Variants in BTBD9 observed in about 807,000 individuals in gnomAD.
BTBD9 encodes BTB domain containing 9, also known as BTB/POZ domain-containing protein 9.
A neutral mutation model predicts 64.3 loss-of-function variants in BTBD9; 49 were observed. That is an observed-to-expected ratio of 0.76 (90% CI 0.61 to 0.97). The LOEUF (loss-of-function observed/expected upper bound fraction) is 0.97, where lower values mean the gene tolerates loss of function less well. Among genes scored for constraint, BTBD9 ranks in the 50% least tolerant of loss-of-function variants. The pLI is 0.00. For missense variants in BTBD9, 598 were observed against 762.1 expected (o/e 0.78, Z 2.53); for synonymous variants, 260 against 274.7 (o/e 0.95, Z 0.53).
rs995751330 is a variant in BTBD9 at position 38,584,511 on chromosome 6, G to A, written c.815-4074C>T. Among the ~76,000 whole-genome samples, 6 of 152,194 alleles carry A rather than the reference G, an allele frequency of 3.9e-5. No homozygotes were observed. The East Asian group carries it at 1.2e-3, about 29-fold the overall frequency. On this transcript the variant is annotated intron_variant, in intron 4 of 10. Transcript: ENST00000481247. ...CCCTAGCTACACAGTGCCAAAATCT[G>A]AGAGGAGTGCTGGGTTAATTACCTT... is the stretch of plus-strand genomic sequence containing the variant.
chr6:38,411,213 T>C (rs1382970180), intron 6 of BTBD9, among the ~76,000 whole-genome samples: 3 of 152,154 alleles, frequency 2.0e-5, no homozygotes, highest in African/African-American at 4.8e-5. Context: ...CAAAATTAGA[T>C]AAGTTGATTA....
chr6:38,374,313 A>ATACG (rs1765586857), intron 6 of BTBD9, among the ~76,000 whole-genome samples: 2 of 117,436 alleles, frequency 1.7e-5, no homozygotes, highest in Non-Finnish European at 3.4e-5. Flanking sequence ...ATATGTATAT[A>ATACG]TATATATATA....
chr6:38,551,351 G>C (rs1286514385), intron 6 of BTBD9, among the ~76,000 whole-genome samples: 1 of 152,178 alleles, frequency 6.6e-6, no homozygotes, highest in African/African-American at 2.4e-5. Flanking sequence ...CAATGAACTA[G>C]CACAGTGTAC....
intron 1 of BTBD9, among the ~76,000 whole-genome samples, chr6:38,619,675 G>A (rs969439797): frequency 2.0e-5 from 3 of 152,152 alleles, no homozygotes; most frequent in African/African-American, 7.2e-5. Context: ...TAATCATTGA[G>A]GGCCAGGAAA....
chr6:38,444,840 C>T (rs576036735), intron 6 of BTBD9, among the ~76,000 whole-genome samples: 5 of 152,220 alleles, frequency 3.3e-5, no homozygotes, highest in South Asian at 4.2e-4. Flanking sequence ...AGCTACTTGC[C>T]CCCATGGTAA....
intron 6 of BTBD9, among the ~76,000 whole-genome samples, chr6:38,483,230 C>T (rs1287520104): frequency 6.6e-6 from 1 of 152,080 alleles, no homozygotes; most frequent in African/African-American, 2.4e-5. Context: ...TCTCCCTTGA[C>T]TCCACTGAAA....
At chr6:38,341,384 G>A (rs911003222) in intron 7 of BTBD9, among the ~76,000 whole-genome samples, 2 of 151,656 alleles carry the variant, frequency 1.3e-5, no homozygotes, top group African/African-American at 2.4e-5. Flanking sequence ...TAAAATGTCC[G>A]AGATTAATTT....
At position 38,336,256 on chromosome 6, in the gene BTBD9, T is replaced by C. The variant is rs142581258; in HGVS notation, c.1264+8728A>G. Among the ~76,000 whole-genome samples the C allele has an allele frequency of 1.9e-3, 294 of 152,244 alleles. 1 individual carries two copies. The highest frequency in any genetic ancestry group is 6.5e-3 in the African/African-American group (272 of 41,552). On this transcript the variant is annotated intron_variant, in intron 7 of 10. Coordinates refer to ENST00000481247, the MANE Select transcript of BTBD9 (RefSeq NM_001099272.2). ...TTTTGCACACACTGACCATTTTGTG[T>C]GAATCTCTCCTGAGCTTCCCCACTC...
At chr6:38,592,544 C>T (rs769549003) in intron 4 of BTBD9, 32 bp downstream of exon 4, 14 of 1,606,800 alleles carry the variant, frequency 8.7e-6, no homozygotes, top group Non-Finnish European at 1.2e-5. Flanking sequence ...TACCAAGCTT[C>T]TTGGTTGAGT....
rs191208652 is a variant in BTBD9, at chr6:38,291,021, T to A, written c.1265-2560A>T. 2.8e-3 allele frequency among the ~76,000 whole-genome samples: 434 copies of A among 152,324 alleles called. 6 individuals are homozygous for A. The highest frequency in any genetic ancestry group is 6.8e-3 in the Middle Eastern group (2 of 294). On this transcript the variant is annotated intron_variant, in intron 7 of 10. Coordinates refer to ENST00000481247, the MANE Select transcript of BTBD9 (RefSeq NM_001099272.2). ...ATTGTTACCATTGTTTTCTTTGCCATTACAAACAAAGATGTCTTCTTGTAT... is the reference window on the plus strand; with the variant it reads ...ATTGTTACCATTGTTTTCTTTGCCAATACAAACAAAGATGTCTTCTTGTAT...
chr6:38,219,921 A>T (rs1763141661), intron 9 of BTBD9, among the ~76,000 whole-genome samples: 1 of 152,264 alleles, frequency 6.6e-6, no homozygotes, highest in South Asian at 2.1e-4. Flanking sequence ...TTAATATGGT[A>T]TATCAGTAAT....
At chr6:38,445,971 C>T (rs186309711) in intron 6 of BTBD9, among the ~76,000 whole-genome samples, 3 of 152,262 alleles carry the variant, frequency 2.0e-5, no homozygotes, top group East Asian at 1.9e-4. Context: ...ATAATTTAGA[C>T]GGTAGTTGAA....
intron 6 of BTBD9, among the ~76,000 whole-genome samples, chr6:38,419,958 TAAC>T (rs1378100638): frequency 4.6e-5 from 7 of 152,098 alleles, no homozygotes; most frequent in South Asian, 4.1e-4. Context: ...ACTAAATGTG[TAAC>T]AACAAGGGAA....
At chr6:38,344,906 G>T in intron 7 of BTBD9, 78 bp downstream of exon 7, 2 of 941,596 alleles carry the variant, frequency 2.1e-6, no homozygotes, top group Non-Finnish European at 1.6e-6. Context: ...AACTGATTAA[G>T]ATAAGTTAAG....
At chr6:38,592,492 C>T (rs574515656) in intron 4 of BTBD9, 84 bp downstream of exon 4, 55 of 1,426,864 alleles carry the variant, frequency 3.9e-5, no homozygotes, top group Non-Finnish European at 4.8e-5. Context: ...CTGCACTACA[C>T]GGTTCTGTAG....
At chr6:38,327,142 A>AT (rs1413043519) in intron 7 of BTBD9, among the ~76,000 whole-genome samples, 1 of 152,168 alleles carries the variant, frequency 6.6e-6, no homozygotes, top group African/African-American at 2.4e-5. Flanking sequence ...ATTTTTAAGT[A>AT]TATTTCCCTC....
At chr6:38,545,545 G>A (rs575742396) in intron 6 of BTBD9, among the ~76,000 whole-genome samples, 8 of 151,954 alleles carry the variant, frequency 5.3e-5, no homozygotes, top group African/African-American at 1.2e-4. Context: ...TTTGGGAGGC[G>A]GAGGTGGGCA....
At chr6:38,556,104 G>C (rs1172158489) in intron 6 of BTBD9, among the ~76,000 whole-genome samples, 1 of 152,086 alleles carries the variant, frequency 6.6e-6, no homozygotes, top group African/African-American at 2.4e-5. Context: ...AGCTAACAAG[G>C]GCATCATATA....
At chr6:38,402,898 T>C in intron 6 of BTBD9, 1 of 692,114 alleles carries the variant, frequency 1.4e-6, no homozygotes, top group Non-Finnish European at 2.6e-6. Context: ...TGAGACTCCA[T>C]CTCCACTAAA....
Sources: gnomAD v4.1 joint callset for allele counts (sites outside exome capture counted in the v4.1 genomes callset) on GRCh38, gnomAD v4.1.1 for gene constraint, MANE v1.5 for transcripts, NCBI Gene and HGNC (gene_info 2026-07-23, HGNC 2026-07-21) for gene names.